Variants in PITPNM2 observed in about 807,000 individuals in gnomAD.
PITPNM2 encodes membrane-associated phosphatidylinositol transfer protein 2.
PITPNM2 carries 35 observed loss-of-function variants against 132.2 expected under a neutral mutation model. The ratio of observed to expected loss-of-function variants is 0.26; its 90% CI spans 0.20 to 0.35. The LOEUF (loss-of-function observed/expected upper bound fraction) is 0.35, where lower values mean the gene tolerates loss of function less well. Ranked by LOEUF, PITPNM2 falls within the 10% of genes least tolerant of loss-of-function variation. The probability of loss-of-function intolerance (pLI) is 1.00; values close to 1 mark genes in which losing one functional copy is unlikely to be tolerated. For synonymous variants in PITPNM2, 738 were observed against 799.2 expected (o/e 0.92, Z 1.29); for missense variants, 1,332 against 1,912.0 (o/e 0.70, Z 5.66).
At chr12:123,067,411 G>T (rs1243521953) in intron 2 of PITPNM2, among the ~76,000 whole-genome samples, 4 of 151,804 alleles carry the variant, frequency 2.6e-5, no homozygotes, top group Non-Finnish European at 5.9e-5. Flanking sequence ...AGCCAAGATT[G>T]TGCCACTGCA....
At chr12:123,042,802 C>T (rs1010655626) in intron 2 of PITPNM2, among the ~76,000 whole-genome samples, 3 of 152,134 alleles carry the variant, frequency 2.0e-5, no homozygotes, top group African/African-American at 7.2e-5. Context: ...AGACAAGGCT[C>T]CCCAGGCCTC....
At chr12:123,032,217 G>A (rs1435231502) in intron 3 of PITPNM2, among the ~76,000 whole-genome samples, 1 of 152,226 alleles carries the variant, frequency 6.6e-6, no homozygotes, top group African/African-American at 2.4e-5. Flanking sequence ...CGTGGCTCAC[G>A]CCTGTAATCC....
intron 2 of PITPNM2, among the ~76,000 whole-genome samples, chr12:123,059,259 T>A (rs1469900842): frequency 6.6e-6 from 1 of 152,188 alleles, no homozygotes; most frequent in Non-Finnish European, 1.5e-5. Context: ...ACCAGCCACC[T>A]CCTGTGTGGC....
chr12:123,151,309 C>T (rs1217111479), upstream of PITPNM2, among the ~76,000 whole-genome samples: 1 of 151,646 alleles, frequency 6.6e-6, no homozygotes, highest in Non-Finnish European at 1.5e-5. Context: ...CGCCCGTGTC[C>T]TCAGGGCCCG....
At chr12:123,119,163 A>G (rs2042986578) in intron 1 of PITPNM2, among the ~76,000 whole-genome samples, 1 of 152,086 alleles carries the variant, frequency 6.6e-6, no homozygotes, top group Admixed American at 6.6e-5. Flanking sequence ...GACAGCTCTG[A>G]TTCTGTGGCC....
chr12:123,080,224 AT>A (rs146105444), intron 2 of PITPNM2, among the ~76,000 whole-genome samples: 5,422 of 148,424 alleles, frequency 0.037, 311 homozygotes, highest in African/African-American at 0.12. Flanking sequence ...TTGTTGTCAC[AT>A]TTTTTTTTTA....
chr12:123,146,632 TA>T (rs966817107), intron 1 of PITPNM2, among the ~76,000 whole-genome samples: 284 of 141,902 alleles, frequency 2.0e-3, no homozygotes, highest in Admixed American at 4.0e-3. Context: ...AATAAAAGTT[TA>T]AAAAAAAAAA....
chr12:122,997,005 A>G (rs781732643), intron 11 of PITPNM2, 95 bp from the exon 12 acceptor site: 16 of 1,240,414 alleles, frequency 1.3e-5, no homozygotes, highest in Non-Finnish European at 1.8e-5. Flanking sequence ...TGGACTCAGC[A>G]TACGCTAGTG....
At chr12:123,038,624 G>C (rs1349792745) in intron 2 of PITPNM2, among the ~76,000 whole-genome samples, 1 of 152,226 alleles carries the variant, frequency 6.6e-6, no homozygotes, top group South Asian at 2.1e-4. Context: ...GCGGGTGTGA[G>C]AAGTACTCAA....
chr12:123,059,099 T>TAGGCAGGGAGAGAACC (rs2041142032), intron 2 of PITPNM2, among the ~76,000 whole-genome samples: 1 of 152,192 alleles, frequency 6.6e-6, no homozygotes, highest in Non-Finnish European at 1.5e-5. Flanking sequence ...GGTCAGCATC[T>TAGGCAGGGAGAGAACC]AGGCAGGGAG....
At chr12:123,015,841 G>T (rs1186354886) in intron 3 of PITPNM2, among the ~76,000 whole-genome samples, 1 of 152,156 alleles carries the variant, frequency 6.6e-6, no homozygotes, top group Non-Finnish European at 1.5e-5. Flanking sequence ...GAAGACATTT[G>T]CATACCATGT....
At chr12:123,087,229 T>C (rs2042135996) in intron 2 of PITPNM2, 1 of 152,156 alleles carries the variant, frequency 6.6e-6, no homozygotes. Flanking sequence ...TTTCCCTCAA[T>C]GAAACCTTCT....
intron 3 of PITPNM2, among the ~76,000 whole-genome samples, chr12:123,018,584 G>C (rs1461829580): frequency 6.6e-6 from 1 of 151,724 alleles, no homozygotes; most frequent in African/African-American, 2.4e-5. Context: ...ACAGGCATGA[G>C]CCACTACGCC....
In PITPNM2 at chr12:123,117,812, T is replaced by C. The variant is rs1021155682; in HGVS notation, c.-199-7324A>G. 3.3e-5 allele frequency among the ~76,000 whole-genome samples: 5 copies of C among 152,210 alleles called. No individual in the cohort carries two copies. Among genetic ancestry groups the C allele is most frequent in the African/African-American group, 1.2e-4 (5 of 41,456 alleles). On this transcript the variant is annotated intron_variant, in intron 1 of 25. Transcript: ENST00000320201. The surrounding 1 kb of genome is among the most constrained non-coding windows in gnomAD (Gnocchi z 4.7). Reference sequence around the variant, plus strand: ...TCCAATTTCCTCTCCCTAAATCATATGTTTAGCCCCCTGGACTCTAGGTGA... The same window carrying C: ...TCCAATTTCCTCTCCCTAAATCATACGTTTAGCCCCCTGGACTCTAGGTGA...
Position 122,996,440 on chromosome 12 carries a change from G to C in PITPNM2, c.1782+18C>G. The C allele has an allele frequency of 6.2e-7, 1 of 1,612,600 alleles. No individual in the cohort carries two copies. The highest frequency in any genetic ancestry group is 1.1e-5 in the South Asian group (1 of 91,062). On this transcript the variant is annotated intron_variant, in intron 13 of 25. Coordinates refer to ENST00000320201, the MANE Select transcript of PITPNM2 (RefSeq NM_020845.3). ...AGGCTTCAGGCCTTGGGGACTGTCT[G>C]GGCCCCCACTTGGGTACCTGCATGC...
At chr12:123,015,062 C>T (rs1009036543) in intron 3 of PITPNM2, among the ~76,000 whole-genome samples, 12 of 152,252 alleles carry the variant, frequency 7.9e-5, no homozygotes, top group African/African-American at 2.2e-4. Flanking sequence ...AAAGACATCC[C>T]GTGTTGATGG....
At chr12:123,054,357 T>G (rs936005043) in intron 2 of PITPNM2, among the ~76,000 whole-genome samples, 3 of 152,236 alleles carry the variant, frequency 2.0e-5, no homozygotes, top group Admixed American at 6.5e-5. Flanking sequence ...TTTGCCTGCA[T>G]GGATATGGGT....
At chr12:123,040,778 A>C (rs1236671900) in intron 2 of PITPNM2, among the ~76,000 whole-genome samples, 1 of 152,248 alleles carries the variant, frequency 6.6e-6, no homozygotes, top group Non-Finnish European at 1.5e-5. Context: ...ATCACGTAGA[A>C]CATGATACTT....
chr12:123,106,838 C>A lies in PITPNM2; in HGVS notation c.-96+3547G>T, dbSNP rs2042726018. On this transcript the variant is annotated intron_variant, in intron 2 of 25. Transcript: ENST00000320201. This position sits in a 1 kb window ranked among gnomAD's most constrained non-coding sequence, Gnocchi z 4.4. ...CTCCCCATGCTCTGGGCTCTCTGGGCAGCCTTCTAACATGCGAGACTTATC... is the reference window on the plus strand; with the variant it reads ...CTCCCCATGCTCTGGGCTCTCTGGGAAGCCTTCTAACATGCGAGACTTATC... 2.0e-5 allele frequency among the ~76,000 whole-genome samples: 3 copies of A among 152,240 alleles called. No homozygotes were observed. The highest frequency in any genetic ancestry group is 4.1e-4 in the South Asian group (2 of 4,830).
Sources: gnomAD v4.1 joint callset for allele counts (sites outside exome capture counted in the v4.1 genomes callset) on GRCh38, gnomAD v4.1.1 for gene constraint, Gnocchi (gnomAD v3.1) non-coding constraint, MANE v1.5 for transcripts, NCBI Gene and HGNC (gene_info 2026-07-23, HGNC 2026-07-21) for gene names.